Variants in MAGI3 observed in about 807,000 individuals in gnomAD.
MAGI3 encodes the protein membrane-associated guanylate kinase, WW and PDZ domain-containing protein 3.
In MAGI3, 43 loss-of-function variants were observed where a neutral mutation model predicts 121.8. The observed-to-expected ratio is 0.35, with a 90% CI of 0.28 to 0.46. The LOEUF (loss-of-function observed/expected upper bound fraction) is 0.46. Among genes scored for constraint, MAGI3 ranks in the 20% least tolerant of loss-of-function variants. The pLI, the probability that MAGI3 is intolerant of heterozygous loss-of-function variation, is 1.00. For missense variants in MAGI3, 1,547 were observed against 1,797.3 expected, an observed-to-expected ratio of 0.86 and a Z score of 2.52; for synonymous variants, 553 against 639.3, an observed-to-expected ratio of 0.86 and a Z score of 2.04.
chr1:113,574,460 T>C lies in MAGI3; in HGVS notation c.434-6082T>C, dbSNP rs1557831197. On this transcript the variant is annotated intron_variant, in intron 2 of 20. Coordinates refer to ENST00000307546, the MANE Select transcript of MAGI3 (RefSeq NM_001142782.2). ...CCTCACTTCTGAAGCTTAGTTTGGA[T>C]AGATTTGAAATTCTGGGTTGAAAAT... 4.6e-5 allele frequency among the ~76,000 whole-genome samples: 7 copies of C among 152,332 alleles called. No homozygotes were observed. In the South Asian group the frequency reaches 1.5e-3, roughly 32 times the overall value.
chr1:113,570,976 G>A (rs917323102), intron 2 of MAGI3, among the ~76,000 whole-genome samples: 2 of 152,126 alleles, frequency 1.3e-5, no homozygotes, highest in African/African-American at 2.4e-5. Context: ...CCATGCCTAC[G>A]TCCTGAATGG....
At chr1:113,394,952 T>TA (rs1651013136) in intron 1 of MAGI3, among the ~76,000 whole-genome samples, 1 of 152,086 alleles carries the variant, frequency 6.6e-6, no homozygotes, top group Non-Finnish European at 1.5e-5. Context: ...GGAGTTTTGT[T>TA]AAAATGGGCT....
chr1:113,563,718 G>A (rs1660330172), intron 2 of MAGI3, among the ~76,000 whole-genome samples: 4 of 152,142 alleles, frequency 2.6e-5, no homozygotes, highest in East Asian at 3.8e-4. Flanking sequence ...TGGGTTTCTC[G>A]CAAGTCCAGC....
At chr1:113,586,881 T>C (rs1648395568) in intron 4 of MAGI3, among the ~76,000 whole-genome samples, 1 of 152,214 alleles carries the variant, frequency 6.6e-6, no homozygotes, top group Non-Finnish European at 1.5e-5. Context: ...ATCTCTATAG[T>C]TGATGCTTCA....
chr1:113,631,305 T>G (rs1373830192), intron 9 of MAGI3, among the ~76,000 whole-genome samples: 1 of 152,172 alleles, frequency 6.6e-6, no homozygotes, highest in Non-Finnish European at 1.5e-5. Context: ...TTTTTGTCTC[T>G]TGTAACGGTA....
At chr1:113,481,726 C>T (rs12038473) in intron 1 of MAGI3, among the ~76,000 whole-genome samples, 23,208 of 152,118 alleles carry the variant, frequency 0.15, 2,816 homozygotes, top group East Asian at 0.63. Context: ...AAACTTAATT[C>T]TATTTTTGTA....
chr1:113,683,542 A>G lies in MAGI3; in HGVS notation c.3974A>G (p.Glu1325Gly). The stretch of plus-strand genomic sequence containing the variant: ...GCAGGCTATACGGGCAGTAATGCTG[A>G]GCAGATCCCAGATGGGAAGGAAAAA... Reference protein sequence around the residue: ...RIAGYTGSNAEQIPDGKEKSD... With the variant: ...RIAGYTGSNAGQIPDGKEKSD... Residue 1325 changes from glutamate (E) to glycine (G), a missense_variant, in exon 21 of 21, where the codon GAG (glutamate) becomes GGG (glycine). Coordinates refer to ENST00000307546, the MANE Select transcript of MAGI3 (RefSeq NM_001142782.2). 3 of 1,614,018 alleles carry G rather than the reference A, an allele frequency of 1.9e-6. No homozygotes were observed. Among genetic ancestry groups the G allele is most frequent in the Non-Finnish European group, 2.5e-6 (3 of 1,179,892 alleles).
chr1:113,610,088 C>T (rs915550608), intron 6 of MAGI3, among the ~76,000 whole-genome samples: 1 of 152,024 alleles, frequency 6.6e-6, no homozygotes, highest in African/African-American at 2.4e-5. Flanking sequence ...CTTTTTAGCC[C>T]TTATCTTTAT....
At chr1:113,406,639 G>A (rs1266807117) in intron 1 of MAGI3, among the ~76,000 whole-genome samples, 3 of 152,012 alleles carry the variant, frequency 2.0e-5, no homozygotes, top group African/African-American at 4.8e-5. Flanking sequence ...AAGGCTGAGT[G>A]TGGTGGCACA....
chr1:113,604,914 A>G lies in MAGI3; in HGVS notation c.1019-9687A>G, dbSNP rs1217213. Among the ~76,000 whole-genome samples, 419 of 151,214 alleles carry G rather than the reference A, an allele frequency of 2.8e-3. 2 individuals are homozygous for G. Among genetic ancestry groups the G allele is most frequent in the African/African-American group, 9.9e-3 (409 of 41,444 alleles). ...TGGGTGCACTAAAATCTCAGATTTCACCACTATACAGTTCATCCATGTAAC... is the reference window on the plus strand; with the variant it reads ...TGGGTGCACTAAAATCTCAGATTTCGCCACTATACAGTTCATCCATGTAAC... On this transcript the variant is annotated intron_variant, in intron 6 of 20. Transcript: ENST00000307546.
chr1:113,531,314 CATT>C (rs1658708880), intron 1 of MAGI3, among the ~76,000 whole-genome samples: 1 of 152,122 alleles, frequency 6.6e-6, no homozygotes, highest in African/African-American at 2.4e-5. Context: ...TTATCACTGA[CATT>C]GTTTAGAATT....
intron 1 of MAGI3, among the ~76,000 whole-genome samples, chr1:113,397,842 T>C (rs1651196481): frequency 6.6e-6 from 1 of 152,226 alleles, no homozygotes; most frequent in South Asian, 2.1e-4. Context: ...TTCTGTTCTT[T>C]ATGGTTAATA....
intron 2 of MAGI3, among the ~76,000 whole-genome samples, chr1:113,560,032 GT>G (rs1187392661): frequency 6.6e-6 from 1 of 152,158 alleles, no homozygotes; most frequent in Non-Finnish European, 1.5e-5. Context: ...GGACCCGATA[GT>G]TATCTACAGA....
At chr1:113,394,808 A>G (rs1312491630) in intron 1 of MAGI3, among the ~76,000 whole-genome samples, 2 of 152,186 alleles carry the variant, frequency 1.3e-5, no homozygotes, top group Non-Finnish European at 2.9e-5. Context: ...CAAGTAGTGT[A>G]TCCAGGGATG....
chr1:113,464,016 TGCTA>T (rs1228305901), intron 1 of MAGI3, among the ~76,000 whole-genome samples: 1 of 152,158 alleles, frequency 6.6e-6, no homozygotes, highest in Admixed American at 6.6e-5. Flanking sequence ...ATTCAAATTA[TGCTA>T]GCTATTTCAA....
At chr1:113,482,633 G>A (rs1391454369) in intron 1 of MAGI3, among the ~76,000 whole-genome samples, 3 of 140,538 alleles carry the variant, frequency 2.1e-5, no homozygotes, top group Non-Finnish European at 4.5e-5. Flanking sequence ...CACTGCACCA[G>A]ACCTCAACCT....
chr1:113,445,432 C>T (rs1654130457), intron 1 of MAGI3, among the ~76,000 whole-genome samples: 1 of 151,880 alleles, frequency 6.6e-6, no homozygotes, highest in African/African-American at 2.4e-5. Context: ...TGAGAACCCA[C>T]CTCTCTAAAA....
intron 1 of MAGI3, among the ~76,000 whole-genome samples, chr1:113,437,925 C>T (rs1195988818): frequency 2.4e-5 from 2 of 84,836 alleles, no homozygotes; most frequent in Admixed American, 1.3e-4. Flanking sequence ...TCCTTCTCCT[C>T]CTTCTCCTTC....
rs1650749970 is a variant in MAGI3 at position 113,390,919 on chromosome 1, G to A, written c.-115G>A. The A allele has an allele frequency of 4.0e-6, 3 of 749,374 alleles. No individual in the cohort carries two copies. The highest frequency in any genetic ancestry group is 5.4e-6 in the Non-Finnish European group (3 of 557,474). The allele number at this position is 749,374 out of a possible 1,614,324, so 46.4% of individuals were successfully genotyped here. On this transcript the variant is annotated 5_prime_UTR_variant, in exon 1 of 21. Coordinates refer to ENST00000307546, the MANE Select transcript of MAGI3 (RefSeq NM_001142782.2). ...GTCGCGGGGTGGGGGCCGGAGCGGC[G>A]AGGCCCCCCTTACCGGGCTGCGCGG...
Sources: allele counts gnomAD v4.1 joint callset (sites outside exome capture counted in the v4.1 genomes callset), GRCh38; gene constraint gnomAD v4.1.1; transcripts MANE v1.5; gene names NCBI Gene and HGNC (gene_info 2026-07-23, HGNC 2026-07-21).